The following GLRA2 variants were observed in gnomAD, a reference collection of about 807,000 sequenced individuals.
GLRA2 encodes the protein glycine receptor alpha 2, also known as glycine receptor subunit alpha-2.
In GLRA2, 11 loss-of-function variants were observed where a neutral mutation model predicts 31.6. The observed-to-expected ratio is 0.35, with a 90% CI of 0.22 to 0.58. GLRA2 has a LOEUF of 0.58. Ranked by LOEUF, GLRA2 falls within the 20% of genes least tolerant of loss-of-function variation. The pLI, the probability that GLRA2 is intolerant of heterozygous loss-of-function variation, is 0.84. For missense variants in GLRA2, 212 were observed against 351.8 expected, an observed-to-expected ratio of 0.60 and a Z score of 3.18; for synonymous variants, 132 against 134.0, an observed-to-expected ratio of 0.99 and a Z score of 0.10.
intron 7 of GLRA2, among the ~76,000 whole-genome samples, chrX:14,644,931 G>A (rs926156277): frequency 1.8e-5 from 2 of 111,731 alleles, no homozygotes; most frequent in African/African-American, 3.2e-5. Flanking sequence ...CTGAACTCTA[G>A]TACTAATCAC....
the GLRA2 span, among the ~76,000 whole-genome samples, chrX:14,481,282 T>A: frequency 9.0e-6 from 1 of 111,572 alleles, no homozygotes; most frequent in Non-Finnish European, 1.9e-5. Context: ...GGATTCCACA[T>A]TTCATCTACT....
the GLRA2 span, among the ~76,000 whole-genome samples, chrX:14,456,762 TG>T: frequency 8.9e-6 from 1 of 112,511 alleles, no homozygotes; most frequent in African/African-American, 3.2e-5. Context: ...CATCTGTTGT[TG>T]GGCACGTAGA....
At chrX:14,537,379 T>G (rs1159553569) in intron 2 of GLRA2, among the ~76,000 whole-genome samples, 2 of 111,393 alleles carry the variant, frequency 1.8e-5, no homozygotes, top group Non-Finnish European at 1.9e-5. Context: ...TTATATGTAT[T>G]TCCAATTCAA....
rs763429109 is a variant in GLRA2 at position 14,530,003 on chromosome X, A to C, written c.-55A>C. 31 of 898,359 alleles carry C rather than the reference A, an allele frequency of 3.5e-5. No individual in the cohort carries two copies. The highest frequency in any genetic ancestry group is 4.1e-5 in the Non-Finnish European group (25 of 610,413). The allele number at this position is 898,359 out of a possible 1,213,427, so 74.0% of individuals were successfully genotyped here. ...GGACAATAAACAGACACTTTGTCCT[A>C]GCATCTTTCTGGAATCATTTCGGGA... On this transcript the variant is annotated 5_prime_UTR_variant, in exon 1 of 9. Transcript: ENST00000218075.
chrX:14,675,177 A>T (rs2091132534), intron 7 of GLRA2, among the ~76,000 whole-genome samples: 1 of 111,320 alleles, frequency 9.0e-6, no homozygotes, highest in Non-Finnish European at 1.9e-5. Context: ...TCAGATGCCT[A>T]CATTTGCAGG....
intron 2 of GLRA2, among the ~76,000 whole-genome samples, chrX:14,567,821 C>T (rs73635047): frequency 3.5e-4 from 39 of 112,133 alleles, no homozygotes; most frequent in African/African-American, 1.3e-3. Flanking sequence ...TGTTTCTGTA[C>T]ACCTGCAATA....
intron 7 of GLRA2, among the ~76,000 whole-genome samples, chrX:14,682,650 G>A (rs977259948): frequency 2.4e-4 from 26 of 109,680 alleles, no homozygotes; most frequent in African/African-American, 8.0e-4. Flanking sequence ...TGCTGCACCC[G>A]ATAACTCATC....
the GLRA2 span, among the ~76,000 whole-genome samples, chrX:14,489,610 G>A: frequency 8.9e-6 from 1 of 112,194 alleles, no homozygotes; most frequent in African/African-American, 3.2e-5. Flanking sequence ...CAGAGAAAGC[G>A]ATGCGGACTT....
At chrX:14,543,560 T>G (rs772554229) in intron 2 of GLRA2, among the ~76,000 whole-genome samples, 80 of 111,453 alleles carry the variant, frequency 7.2e-4, no homozygotes, top group African/African-American at 2.5e-3. Context: ...GCTATTACAA[T>G]TTTTGCCTTG....
the GLRA2 span, among the ~76,000 whole-genome samples, chrX:14,458,064 C>T: frequency 9.1e-6 from 1 of 109,451 alleles, no homozygotes; most frequent in Admixed American, 9.8e-5. Flanking sequence ...ATGTTCCCCA[C>T]CCTGTGTCCA....
chrX:14,550,294 A>G (rs759892265), intron 2 of GLRA2, among the ~76,000 whole-genome samples: 1 of 107,364 alleles, frequency 9.3e-6, no homozygotes, highest in South Asian at 4.4e-4. Context: ...TGAGAAGGGT[A>G]CATTTGTAGA....
At chrX:14,613,677 A>C (rs1321108942) in intron 7 of GLRA2, among the ~76,000 whole-genome samples, 2 of 111,252 alleles carry the variant, frequency 1.8e-5, no homozygotes, top group East Asian at 5.7e-4. Flanking sequence ...CCTGGAACCA[A>C]TCCCCTGTGG....
rs906376403 is a variant in GLRA2 at position 14,531,250 on chromosome X, T to C, written c.69-989T>C. On this transcript the variant is annotated intron_variant, in intron 1 of 8. Coordinates refer to ENST00000218075, the MANE Select transcript of GLRA2 (RefSeq NM_002063.4). ...ATTTATATCATCTTTGCACTTATTTTGAATACCCCTTCTTTGAAAAGCTGG... is the reference window on the plus strand; with the variant it reads ...ATTTATATCATCTTTGCACTTATTTCGAATACCCCTTCTTTGAAAAGCTGG... The C allele has an allele frequency of 2.2e-5, 11 of 508,366 alleles. No homozygotes were observed. In the African/African-American group the frequency reaches 2.4e-4, roughly 11 times the overall value. The allele number at this position is 508,366 out of a possible 1,213,427, so 41.9% of individuals were successfully genotyped here.
intron 4 of GLRA2, among the ~76,000 whole-genome samples, chrX:14,582,444 ATT>A (rs1194614626): frequency 9.1e-6 from 1 of 109,445 alleles, no homozygotes; most frequent in Non-Finnish European, 1.9e-5. Flanking sequence ...TATGTGCCAC[ATT>A]TTCTTAATCC....
chrX:14,604,399 T>C lies in GLRA2; in HGVS notation c.577+2T>C. On this transcript the variant is annotated splice_donor_variant, in intron 5 of 8. Coordinates refer to ENST00000218075, the MANE Select transcript of GLRA2 (RefSeq NM_002063.4). LOFTEE classifies it high-confidence loss of function. ...CCTGTACAATGCAGCTGGAGAGTTG[T>C]AAGTCACCACTGTTGAAATGACTCC... 1 of 1,089,546 alleles carries C rather than the reference T, an allele frequency of 9.2e-7. No homozygotes were observed. The highest frequency in any genetic ancestry group is 1.3e-6 in the Non-Finnish European group (1 of 786,395). 89.8% of individuals were successfully genotyped at this position (1,089,546 alleles called of 1,213,427 possible).
intron 7 of GLRA2, among the ~76,000 whole-genome samples, chrX:14,681,304 A>C (rs1436189214): frequency 3.6e-5 from 4 of 112,113 alleles, no homozygotes; most frequent in Non-Finnish European, 7.5e-5. Flanking sequence ...TTTAAATTAA[A>C]GCACAAAGAT....
chrX:14,506,574 C>A, the GLRA2 span, among the ~76,000 whole-genome samples: 1 of 112,047 alleles, frequency 8.9e-6, no homozygotes, highest in African/African-American at 3.2e-5. Context: ...CCAAAGGCCT[C>A]TTTTCTCCTT....
chrX:14,496,537 A>G, the GLRA2 span, among the ~76,000 whole-genome samples: 1 of 112,023 alleles, frequency 8.9e-6, no homozygotes, highest in South Asian at 3.7e-4. Context: ...AATCTTGGAA[A>G]TCAGTGATTT....
intron 2 of GLRA2, among the ~76,000 whole-genome samples, chrX:14,568,320 C>G (rs764106718): frequency 4.3e-4 from 48 of 111,639 alleles, no homozygotes; most frequent in African/African-American, 1.2e-3. Flanking sequence ...AGAAATAAAC[C>G]CACACACCTA....
Sources: gnomAD v4.1 joint callset for allele counts (sites outside exome capture counted in the v4.1 genomes callset) on GRCh38, gnomAD v4.1.1 for gene constraint, MANE v1.5 for transcripts, NCBI Gene and HGNC (gene_info 2026-07-23, HGNC 2026-07-21) for gene names.